DYM: variants seen among roughly 807,000 people sequenced by gnomAD.
The protein encoded by DYM is dyggve-Melchior-Clausen syndrome protein.
In DYM, 78 loss-of-function variants were observed where a neutral mutation model predicts 93.1. That is an observed-to-expected ratio of 0.84 (90% confidence interval 0.70 to 1.01). The LOEUF is 1.01. DYM is among the 50% of genes least tolerant of loss of function. DYM has a pLI of 0.00. For missense variants in DYM, 789 were observed against 845.0 expected, an observed-to-expected ratio of 0.93 and a Z score of 0.82; for synonymous variants, 321 against 319.7, an observed-to-expected ratio of 1.00 and a Z score of -0.04.
At chr18:49,101,230 T>C (rs950945549) in intron 16 of DYM, among the ~76,000 whole-genome samples, 8 of 152,158 alleles carry the variant, frequency 5.3e-5, no homozygotes, top group Non-Finnish European at 1.5e-5. Context: ...GTAAAACCTT[T>C]AGTGAAAGTG....
intron 6 of DYM, among the ~76,000 whole-genome samples, chr18:49,339,841 C>T (rs1275921914): frequency 6.6e-6 from 1 of 152,178 alleles, no homozygotes; most frequent in African/African-American, 2.4e-5. Flanking sequence ...TATTTGTGGG[C>T]ATGCAAAGTT....
chr18:49,318,616 G>GT (rs891981891), intron 8 of DYM, among the ~76,000 whole-genome samples: 13 of 146,626 alleles, frequency 8.9e-5, no homozygotes, highest in Non-Finnish European at 1.6e-4. Context: ...GCAAGACTCT[G>GT]TCCCCCCACA....
intron 15 of DYM, among the ~76,000 whole-genome samples, chr18:49,132,343 T>G (rs1194392713): frequency 2.6e-5 from 4 of 152,104 alleles, no homozygotes; most frequent in Non-Finnish European, 5.9e-5. Context: ...ATAATAAAAT[T>G]TTTTACATTG....
chr18:49,423,243 C>T (rs1394003083), intron 2 of DYM, among the ~76,000 whole-genome samples: 2 of 152,180 alleles, frequency 1.3e-5, no homozygotes, highest in Non-Finnish European at 2.9e-5. Flanking sequence ...AAGAAACTCA[C>T]TCAAAACCGC....
At chr18:49,441,192 ATATAT>A (rs2081496856) in intron 1 of DYM, among the ~76,000 whole-genome samples, 1 of 36,632 alleles carries the variant, frequency 2.7e-5, no homozygotes, top group East Asian at 2.1e-3. Context: ...TTTATATATA[ATATAT>A]TATATATTAT....
chr18:49,110,795 G>T (rs945160215), intron 16 of DYM, among the ~76,000 whole-genome samples: 3 of 152,086 alleles, frequency 2.0e-5, no homozygotes, highest in African/African-American at 7.2e-5. Flanking sequence ...CTTCTGACCT[G>T]TTCTTTCTCT....
chr18:49,131,646 C>T (rs899122605), intron 15 of DYM, among the ~76,000 whole-genome samples: 1 of 152,184 alleles, frequency 6.6e-6, no homozygotes, highest in Non-Finnish European at 1.5e-5. Flanking sequence ...AGGGCTTCAA[C>T]ATATTAATTT....
At chr18:49,171,681 C>T (rs977739624) in intron 14 of DYM, among the ~76,000 whole-genome samples, 6 of 152,096 alleles carry the variant, frequency 3.9e-5, no homozygotes, top group African/African-American at 1.4e-4. Flanking sequence ...CACTGATTCC[C>T]TCTACGTGTA....
At chr18:49,067,493 T>C (rs904071344) in intron 17 of DYM, among the ~76,000 whole-genome samples, 2 of 145,672 alleles carry the variant, frequency 1.4e-5, no homozygotes, top group Non-Finnish European at 3.0e-5. Flanking sequence ...GTGATGTGAG[T>C]GTTACGGAAG....
At chr18:49,157,549 C>T (rs1265728842) in intron 15 of DYM, among the ~76,000 whole-genome samples, 1 of 152,174 alleles carries the variant, frequency 6.6e-6, no homozygotes, top group Non-Finnish European at 1.5e-5. Context: ...AAATGACATA[C>T]TTAAGGCCAC....
chr18:49,244,860 G>T (rs894740361), intron 13 of DYM, among the ~76,000 whole-genome samples: 2 of 152,148 alleles, frequency 1.3e-5, no homozygotes, highest in African/African-American at 4.8e-5. Flanking sequence ...TCAAGAACAA[G>T]ACATGGTGCT....
chr18:49,171,588 C>A (rs540863051), intron 14 of DYM, among the ~76,000 whole-genome samples: 53 of 152,138 alleles, frequency 3.5e-4, no homozygotes, highest in South Asian at 1.7e-3. Flanking sequence ...ATTAAAAAAA[C>A]CAAAAAACTA....
At chr18:49,101,547 G>GAGGAGAATAAAAAGGAGCT (rs1235538819) in intron 16 of DYM, among the ~76,000 whole-genome samples, 4 of 152,178 alleles carry the variant, frequency 2.6e-5, no homozygotes, top group Non-Finnish European at 5.9e-5. Flanking sequence ...TTCTGGAGTA[G>GAGGAGAATAAAAAGGAGCT]AGGAGAATAA....
chr18:49,368,349 C>A (rs1174633155), intron 5 of DYM, among the ~76,000 whole-genome samples: 1 of 152,076 alleles, frequency 6.6e-6, no homozygotes, highest in African/African-American at 2.4e-5. Context: ...ATTATATGAC[C>A]AAAGAACAGT....
intron 13 of DYM, among the ~76,000 whole-genome samples, chr18:49,240,943 T>C (rs1285161853): frequency 6.6e-6 from 1 of 152,252 alleles, no homozygotes; most frequent in African/African-American, 2.4e-5. Flanking sequence ...GTTTTTATTT[T>C]ACCACAAATG....
rs2147889943 is a variant in DYM at position 49,391,597 on chromosome 18, T to C, written c.189A>G (p.Ser63=). 6.2e-7 allele frequency: 1 copy of C among 1,613,540 alleles called. No individual in the cohort carries two copies. Among genetic ancestry groups the C allele is most frequent in the Non-Finnish European group, 8.5e-7 (1 of 1,179,600 alleles). ...LEEATISVCR[S]LVENNPRTGN... is the part of the protein sequence containing the mutation. ...ACACACATTTTTCCCACTTACCTAATGACCTGCAGACTGAAATGGTTGCTT... is the reference window on the plus strand; with the variant it reads ...ACACACATTTTTCCCACTTACCTAACGACCTGCAGACTGAAATGGTTGCTT... The change falls in exon 3 of 18, where the codon TCA becomes TCG. Residue 63 remains serine, a synonymous_variant. Transcript: ENST00000675505.
intron 6 of DYM, among the ~76,000 whole-genome samples, chr18:49,339,899 G>A (rs772452931): frequency 4.6e-5 from 7 of 152,058 alleles, no homozygotes; most frequent in African/African-American, 1.2e-4. Context: ...AAAATGAGGC[G>A]GAGCCACACA....
chr18:49,379,541 TAATAATGAGAATAATTCCTTC>T, intron 4 of DYM, 103 bp downstream of exon 4: 1 of 864,860 alleles, frequency 1.2e-6, no homozygotes, highest in South Asian at 1.5e-5. Context: ...CTTTTTTTCT[TAATAATGAGAATAATTCCTTC>T]ACAGAGATTT....
At chr18:49,137,439 T>C (rs2083970004) in intron 15 of DYM, among the ~76,000 whole-genome samples, 1 of 152,220 alleles carries the variant, frequency 6.6e-6, no homozygotes, top group Non-Finnish European at 1.5e-5. Flanking sequence ...AGTAGAAATA[T>C]AATGCTTGCC....
Sources: gnomAD v4.1 joint callset for allele counts (sites outside exome capture counted in the v4.1 genomes callset) on GRCh38, gnomAD v4.1.1 for gene constraint, MANE v1.5 for transcripts, NCBI Gene and HGNC (gene_info 2026-07-23, HGNC 2026-07-21) for gene names.